Variants in TRIM24 observed in about 807,000 individuals in gnomAD.
The protein encoded by TRIM24 is tripartite motif containing 24, also known as transcription intermediary factor 1-alpha.
Under a neutral mutation model 123.9 loss-of-function variants are expected in TRIM24, and 29 were observed. The observed-to-expected ratio is 0.23, with a 90% CI of 0.17 to 0.32. The LOEUF is 0.32. Ranked by LOEUF, TRIM24 falls within the 10% of genes least tolerant of loss-of-function variation. The probability of loss-of-function intolerance (pLI) is 1.00; values close to 1 mark genes in which losing one functional copy is unlikely to be tolerated. For synonymous variants in TRIM24, 456 were observed against 461.1 expected, an observed-to-expected ratio of 0.99 and a Z score of 0.14; for missense variants, 932 against 1,295.3, an observed-to-expected ratio of 0.72 and a Z score of 4.31.
chr7:138,576,907 A>G (rs1435450568), intron 13 of TRIM24, among the ~76,000 whole-genome samples: 1 of 152,172 alleles, frequency 6.6e-6, no homozygotes, highest in East Asian at 1.9e-4. Flanking sequence ...TAGCTAGTGA[A>G]CCCAGTTCTT....
At chr7:138,555,060 CTAAA>C in intron 9 of TRIM24, 94 bp downstream of exon 9, 1 of 1,281,650 alleles carries the variant, frequency 7.8e-7, no homozygotes, top group Non-Finnish European at 1.1e-6. Flanking sequence ...TTTCCATACT[CTAAA>C]TATCTGCATT....
At chr7:138,523,126 A>G (rs1263202600) in intron 4 of TRIM24, among the ~76,000 whole-genome samples, 1 of 152,216 alleles carries the variant, frequency 6.6e-6, no homozygotes, top group Non-Finnish European at 1.5e-5. Context: ...AAAGCCAAAA[A>G]TTCAGTCTTT....
intron 4 of TRIM24, among the ~76,000 whole-genome samples, chr7:138,524,779 A>C (rs1474744071): frequency 2.0e-5 from 3 of 152,150 alleles, no homozygotes; most frequent in Non-Finnish European, 4.4e-5. Context: ...TACAAGGCAT[A>C]ACATCAAGAA....
At chr7:138,519,486 G>A (rs995618013) in intron 4 of TRIM24, among the ~76,000 whole-genome samples, 165 bp downstream of exon 4, 82 of 152,030 alleles carry the variant, frequency 5.4e-4, no homozygotes, top group Non-Finnish European at 2.1e-4. Flanking sequence ...TGATGTTTTG[G>A]GCTAGGTAAT....
At chr7:138,540,444 T>C (rs1796980366) in intron 7 of TRIM24, among the ~76,000 whole-genome samples, 1 of 152,232 alleles carries the variant, frequency 6.6e-6, no homozygotes, top group Non-Finnish European at 1.5e-5. Flanking sequence ...TCACAGCATC[T>C]TCACCAGGAG....
At chr7:138,565,530 G>A (rs1444184733) in intron 9 of TRIM24, among the ~76,000 whole-genome samples, 6 of 152,142 alleles carry the variant, frequency 3.9e-5, no homozygotes, top group African/African-American at 7.2e-5. Flanking sequence ...GGTCTCTCCC[G>A]GCCTGGGGCT....
intron 6 of TRIM24, 118 bp from the exon 7 acceptor site, chr7:138,538,539 G>C: frequency 8.7e-7 from 1 of 1,149,386 alleles, no homozygotes; most frequent in Non-Finnish European, 1.2e-6. Flanking sequence ...AGTATTTTTA[G>C]TTTCAGTAAA....
intron 6 of TRIM24, among the ~76,000 whole-genome samples, chr7:138,536,983 C>T (rs148615386): frequency 0.04 from 6,095 of 152,138 alleles, 157 homozygotes; most frequent in Middle Eastern, 0.088. Flanking sequence ...TAGCAATGAG[C>T]GAGGCTCCGT....
At chr7:138,563,185 C>G (rs552454845) in intron 9 of TRIM24, among the ~76,000 whole-genome samples, 2 of 152,162 alleles carry the variant, frequency 1.3e-5, no homozygotes, top group Non-Finnish European at 2.9e-5. Context: ...GGAGAAGGAG[C>G]CTGGTCTGTC....
At position 138,579,516 on chromosome 7, in the gene TRIM24, T is replaced by C. The variant is rs752182628; in HGVS notation, c.2569T>C (p.Leu857=). The C allele has an allele frequency of 5.0e-6, 8 of 1,603,208 alleles. No individual in the cohort carries two copies. Among genetic ancestry groups the C allele is most frequent in the East Asian group, 4.5e-5 (2 of 44,704 alleles). The change falls in exon 15 of 19, where the codon TTG becomes CTG. Residue 857 remains leucine (L), a synonymous_variant. Coordinates refer to ENST00000343526, the MANE Select transcript of TRIM24 (RefSeq NM_015905.3). The stretch of plus-strand genomic sequence containing the variant: ...CCATCTTTCTTGTCATGTGCCCACA[T>C]TGACAAATTTTCCAAGGTAAGATAG... ...VFHLSCHVPT[L]TNFPSGEWIC...
chr7:138,493,102 T>C (rs1795830205), intron 1 of TRIM24, among the ~76,000 whole-genome samples: 1 of 152,138 alleles, frequency 6.6e-6, no homozygotes, highest in Non-Finnish European at 1.5e-5. Context: ...TGTGTGTCTC[T>C]TTACTGACAT....
intron 9 of TRIM24, among the ~76,000 whole-genome samples, chr7:138,563,498 T>C (rs1316742600): frequency 3.3e-5 from 5 of 152,194 alleles, no homozygotes; most frequent in South Asian, 2.1e-4. Flanking sequence ...TGCTAACATA[T>C]TGGCCTTTTT....
chr7:138,564,789 C>T (rs1342141596), intron 9 of TRIM24, among the ~76,000 whole-genome samples: 1 of 152,186 alleles, frequency 6.6e-6, no homozygotes, highest in Non-Finnish European at 1.5e-5. Flanking sequence ...AGTTCTCAAC[C>T]TCTGAGGGGT....
At chr7:138,466,385 ATCTTT>A (rs1795137772) in intron 1 of TRIM24, among the ~76,000 whole-genome samples, 1 of 148,150 alleles carries the variant, frequency 6.7e-6, no homozygotes, top group African/African-American at 2.5e-5. Flanking sequence ...AATGATGAGC[ATCTTT>A]TCTTGTGCTT....
chr7:138,473,055 G>A (rs919384397), intron 1 of TRIM24, among the ~76,000 whole-genome samples: 2 of 152,198 alleles, frequency 1.3e-5, no homozygotes, highest in South Asian at 4.1e-4. Flanking sequence ...TGAGGCAGGC[G>A]GGTTACCTGA....
At chr7:138,539,401 C>A (rs10224459) in intron 7 of TRIM24, among the ~76,000 whole-genome samples, 3,316 of 152,186 alleles carry the variant, frequency 0.022, 103 homozygotes, top group African/African-American at 0.073. Flanking sequence ...CTTACTACTT[C>A]ACATATGACT....
At chr7:138,561,069 A>G (rs1797417774) in intron 9 of TRIM24, among the ~76,000 whole-genome samples, 1 of 152,194 alleles carries the variant, frequency 6.6e-6, no homozygotes, top group African/African-American at 2.4e-5. Context: ...ATATAGCTCC[A>G]TGAACATGCA....
chr7:138,580,609 T>C lies in TRIM24; in HGVS notation c.2633T>C (p.Val878Ala), dbSNP rs1210998594. Residue 878 changes from valine (V) to alanine (A), a missense_variant, in exon 16 of 19, where the codon GTT becomes GCT. By Grantham distance (64) the Val-to-Ala change is moderately conservative. This residue lies in a region of TRIM24 where 45 missense variants were observed against 56.6 expected (regional missense o/e 0.80). Transcript: ENST00000343526. ...TGCCGAGACTTATCTAAACCAGAAG[T>C]TGAATATGATTGTGATGCTCCCAGT... ...TFCRDLSKPE[V>A]EYDCDAPSHN... 2 of 1,613,798 alleles carry C rather than the reference T, an allele frequency of 1.2e-6. No homozygotes were observed. The highest frequency in any genetic ancestry group is 2.7e-5 in the African/African-American group (2 of 75,020).
chr7:138,463,478 T>C (rs1461372539), intron 1 of TRIM24, among the ~76,000 whole-genome samples: 5 of 151,998 alleles, frequency 3.3e-5, no homozygotes, highest in African/African-American at 1.2e-4. Context: ...GTGATCCACC[T>C]GCCACAGCCT....
Sources: gnomAD v4.1 joint callset for allele counts (sites outside exome capture counted in the v4.1 genomes callset) on GRCh38, gnomAD v4.1.1 for gene constraint, gnomAD v4.1.1 regional missense constraint, MANE v1.5 for transcripts, NCBI Gene and HGNC (gene_info 2026-07-23, HGNC 2026-07-21) for gene names.